PTPRT: variants seen among roughly 807,000 people sequenced by gnomAD.
PTPRT encodes receptor-type tyrosine-protein phosphatase T.
PTPRT carries 56 observed loss-of-function variants against 176.8 expected under a neutral mutation model. That is an observed-to-expected ratio of 0.32 (90% confidence interval 0.26 to 0.40). The LOEUF is 0.40. Ranked by LOEUF, PTPRT falls within the 10% of genes least tolerant of loss-of-function variation. The probability of loss-of-function intolerance (pLI) is 1.00; values close to 1 mark genes in which losing one functional copy is unlikely to be tolerated. For missense variants in PTPRT, 1,540 were observed against 1,908.2 expected (o/e 0.81, Z 3.60); for synonymous variants, 783 against 739.0 (o/e 1.06, Z -0.96).
chr20:42,278,377 C>T (rs1034096398), intron 13 of PTPRT, among the ~76,000 whole-genome samples: 18 of 150,390 alleles, frequency 1.2e-4, no homozygotes, highest in Non-Finnish European at 2.2e-4. Flanking sequence ...GTTTGATGTG[C>T]CTGAAAAACT....
At chr20:42,169,855 C>T (rs534197330) in intron 16 of PTPRT, among the ~76,000 whole-genome samples, 1 of 151,048 alleles carries the variant, frequency 6.6e-6, no homozygotes, top group Admixed American at 6.6e-5. Context: ...TGGCTAAGTT[C>T]ACCGTATGAC....
At chr20:43,101,221 T>C (rs1219094229) in intron 1 of PTPRT, among the ~76,000 whole-genome samples, 1 of 152,102 alleles carries the variant, frequency 6.6e-6, no homozygotes, top group Non-Finnish European at 1.5e-5. Context: ...GGAAGTAAAA[T>C]ACAGACCTCG....
intron 1 of PTPRT, among the ~76,000 whole-genome samples, chr20:42,985,249 C>T (rs574215675): frequency 3.2e-4 from 48 of 152,210 alleles, no homozygotes; most frequent in African/African-American, 7.9e-4. Flanking sequence ...GTAATCCCAG[C>T]GCTTTGGGAG....
At chr20:42,687,193 A>G (rs2075712249) in intron 6 of PTPRT, 1 of 152,108 alleles carries the variant, frequency 6.6e-6, no homozygotes, top group South Asian at 2.1e-4. Flanking sequence ...TGCCCCCCCA[A>G]CAGAGAGACA....
chr20:42,930,826 A>G (rs982503684), intron 1 of PTPRT, among the ~76,000 whole-genome samples: 5 of 152,208 alleles, frequency 3.3e-5, no homozygotes, highest in Non-Finnish European at 5.9e-5. Flanking sequence ...ATGAAACAAA[A>G]CTTTATACCA....
intron 12 of PTPRT, among the ~76,000 whole-genome samples, chr20:42,306,944 T>C (rs781755020): frequency 1.1e-4 from 16 of 152,208 alleles, no homozygotes; most frequent in Non-Finnish European, 2.1e-4. Flanking sequence ...GGAAGCAGCA[T>C]AGGTGAAAGC....
At chr20:42,404,805 C>G (rs1434142428) in intron 9 of PTPRT, among the ~76,000 whole-genome samples, 1 of 151,634 alleles carries the variant, frequency 6.6e-6, no homozygotes, top group Non-Finnish European at 1.5e-5. Context: ...GAATAGACAT[C>G]TTGAAAAACG....
chr20:42,715,368 C>A (rs976812877), intron 6 of PTPRT, among the ~76,000 whole-genome samples: 1 of 151,890 alleles, frequency 6.6e-6, no homozygotes, highest in African/African-American at 2.4e-5. Context: ...CAGATGAGAA[C>A]TTTAAAATAG....
intron 4 of PTPRT, among the ~76,000 whole-genome samples, chr20:42,776,983 A>T (rs987340109): frequency 1.5e-4 from 23 of 152,076 alleles, no homozygotes; most frequent in African/African-American, 5.1e-4. Flanking sequence ...TCACTCCCAC[A>T]AACCCAGAAT....
intron 1 of PTPRT, among the ~76,000 whole-genome samples, chr20:43,145,770 C>T (rs777513178): frequency 6.6e-6 from 1 of 152,208 alleles, no homozygotes; most frequent in African/African-American, 2.4e-5. Flanking sequence ...TTTTCACAAT[C>T]GTCCATTTTA....
At chr20:43,134,938 C>G (rs547720542) in intron 1 of PTPRT, among the ~76,000 whole-genome samples, 9 of 152,300 alleles carry the variant, frequency 5.9e-5, no homozygotes, top group Admixed American at 1.3e-4. Flanking sequence ...AGGGCACGTA[C>G]CAGCATCCCT....
rs1225158411 is a variant in PTPRT, at chr20:42,080,948, G to T, written c.4273-16C>A. On this transcript the variant is annotated splice_polypyrimidine_tract_variant and intron_variant, in intron 30 of 30. Transcript: ENST00000373187. Reference sequence around the variant, plus strand: ...TATACTGTTCCTGAGAGGCGGAGAGGAGCAGAGGCAGAGAGGGAGAAGAGG... The same window carrying T: ...TATACTGTTCCTGAGAGGCGGAGAGTAGCAGAGGCAGAGAGGGAGAAGAGG... The T allele has an allele frequency of 1.9e-6, 3 of 1,574,190 alleles. No homozygotes were observed. The highest frequency in any genetic ancestry group is 1.4e-5 in the African/African-American group (1 of 73,992).
chr20:42,309,460 GA>G (rs1333395152), intron 12 of PTPRT, among the ~76,000 whole-genome samples: 1 of 152,066 alleles, frequency 6.6e-6, no homozygotes, highest in South Asian at 2.1e-4. Context: ...GACATCTGGG[GA>G]AAAAAATCTT....
chr20:42,147,549 G>C (rs902037346), intron 17 of PTPRT, among the ~76,000 whole-genome samples: 1 of 152,188 alleles, frequency 6.6e-6, no homozygotes, highest in African/African-American at 2.4e-5. Context: ...ATCCTGCAGA[G>C]ATTTCATGAA....
chr20:42,546,609 T>C (rs2072679020), intron 7 of PTPRT, among the ~76,000 whole-genome samples: 3 of 152,218 alleles, frequency 2.0e-5, no homozygotes, highest in African/African-American at 7.2e-5. Flanking sequence ...CCTGTCTGTC[T>C]TGGCTTTCAG....
At chr20:42,265,366 T>A (rs1466545237) in intron 13 of PTPRT, among the ~76,000 whole-genome samples, 2 of 152,228 alleles carry the variant, frequency 1.3e-5, no homozygotes, top group Non-Finnish European at 2.9e-5. Context: ...AGTTTCCTCA[T>A]CTGTAAACTG....
At chr20:42,334,804 A>T (rs1023307134) in intron 11 of PTPRT, among the ~76,000 whole-genome samples, 4 of 152,242 alleles carry the variant, frequency 2.6e-5, no homozygotes, top group Non-Finnish European at 5.9e-5. Flanking sequence ...AGAACTGAAT[A>T]CGATAATAAT....
At chr20:43,117,232 G>A (rs1473567176) in intron 1 of PTPRT, among the ~76,000 whole-genome samples, 1 of 152,158 alleles carries the variant, frequency 6.6e-6, no homozygotes, top group African/African-American at 2.4e-5. Flanking sequence ...ATCTCTACTG[G>A]GAATAGGTGT....
intron 8 of PTPRT, 38 bp downstream of exon 8, chr20:42,472,228 T>C: frequency 6.3e-7 from 1 of 1,591,450 alleles, no homozygotes; most frequent in Non-Finnish European, 8.6e-7. Context: ...ATAGATTCAA[T>C]ATCCCCATTC....
Sources: allele counts gnomAD v4.1 joint callset (sites outside exome capture counted in the v4.1 genomes callset), GRCh38; gene constraint gnomAD v4.1.1; transcripts MANE v1.5; gene names NCBI Gene and HGNC (gene_info 2026-07-23, HGNC 2026-07-21).